Variants in NRXN3 observed in about 807,000 individuals in gnomAD.
NRXN3 encodes the protein neurexin III.
NRXN3 carries 32 observed loss-of-function variants against 137.6 expected under a neutral mutation model. That is an observed-to-expected ratio of 0.23 (90% CI 0.18 to 0.31). The LOEUF is 0.31. NRXN3 is among the 10% of genes least tolerant of loss of function. The pLI is 1.00. For synonymous variants in NRXN3, 798 were observed against 784.5 expected, an observed-to-expected ratio of 1.02 and a Z score of -0.29; for missense variants, 1,574 against 2,062.5, an observed-to-expected ratio of 0.76 and a Z score of 4.59.
chr14:79,279,421 G>A, intron 15 of NRXN3: 2 of 986,144 alleles, frequency 2.0e-6, no homozygotes, highest in Non-Finnish European at 2.4e-6. Flanking sequence ...GCACTTCGCA[G>A]GCGCCCGCCC....
In NRXN3 at chr14:78,332,464, C is replaced by T. The variant is rs575748364; in HGVS notation, c.757+34604C>T. Among the ~76,000 whole-genome samples the T allele has an allele frequency of 3.7e-4, 57 of 152,004 alleles. No homozygotes were observed. The East Asian group carries it at 8.9e-3, about 24-fold the overall frequency. Reference sequence around the variant, plus strand: ...CTGAGTAGCTGGGATTACAGGTGTGCGCTACCGCACCTGGCTAATTTTTGT... The same window carrying T: ...CTGAGTAGCTGGGATTACAGGTGTGTGCTACCGCACCTGGCTAATTTTTGT... On this transcript the variant is annotated intron_variant, in intron 4 of 20. Coordinates refer to ENST00000335750, the MANE Select transcript of NRXN3 (RefSeq NM_001330195.2).
chr14:79,040,322 AC>A (rs2099623084), intron 15 of NRXN3, among the ~76,000 whole-genome samples: 1 of 152,230 alleles, frequency 6.6e-6, no homozygotes, highest in Admixed American at 6.5e-5. Flanking sequence ...TCTTAGAGTG[AC>A]AGAAATGTAA....
intron 18 of NRXN3, among the ~76,000 whole-genome samples, chr14:79,693,174 TTTGTTG>T (rs902807182): frequency 1.1e-4 from 17 of 152,034 alleles, no homozygotes; most frequent in African/African-American, 3.6e-4. Flanking sequence ...ATACGTATTC[TTTGTTG>T]TTGTTGTTGT....
chr14:79,024,619 A>T (rs985672080), intron 15 of NRXN3, among the ~76,000 whole-genome samples: 1 of 152,132 alleles, frequency 6.6e-6, no homozygotes, highest in Non-Finnish European at 1.5e-5. Flanking sequence ...TAGTGCAGGA[A>T]TGTTGGTCTT....
chr14:78,716,214 G>A (rs149238866), intron 8 of NRXN3, among the ~76,000 whole-genome samples: 70 of 152,328 alleles, frequency 4.6e-4, no homozygotes, highest in Admixed American at 1.2e-3. Context: ...GGCAAGAAGA[G>A]GGACAACATC....
chr14:79,590,244 A>G (rs1167725234), intron 16 of NRXN3, among the ~76,000 whole-genome samples: 1 of 151,990 alleles, frequency 6.6e-6, no homozygotes, highest in African/African-American at 2.4e-5. Flanking sequence ...ATATTGAATA[A>G]GTCTCAGAAA....
intron 14 of NRXN3, among the ~76,000 whole-genome samples, chr14:78,974,058 T>G (rs2099454641): frequency 6.6e-6 from 1 of 152,022 alleles, no homozygotes; most frequent in African/African-American, 2.4e-5. Flanking sequence ...TTAATATATA[T>G]TTAAATTAAA....
chr14:78,175,781 A>G (rs2059204989), intron 1 of NRXN3, among the ~76,000 whole-genome samples: 1 of 152,214 alleles, frequency 6.6e-6, no homozygotes, highest in Admixed American at 6.5e-5. Context: ...TACTCCTCAG[A>G]GAGACCTTTC....
At chr14:79,601,040 C>CTTTTTTTT (rs36044631) in intron 16 of NRXN3, among the ~76,000 whole-genome samples, 49 of 93,404 alleles carry the variant, frequency 5.2e-4, no homozygotes, top group Non-Finnish European at 7.4e-4. Flanking sequence ...TCTTTGTTGC[C>CTTTTTTTT]TTTTTTTTTT....
intron 19 of NRXN3, among the ~76,000 whole-genome samples, chr14:79,801,820 T>C (rs1282800462): frequency 6.7e-6 from 1 of 150,078 alleles, no homozygotes; most frequent in South Asian, 2.1e-4. Flanking sequence ...GGGTTAAAGG[T>C]GGAAAAAGGG....
At chr14:79,508,483 G>A (rs1425899889) in intron 16 of NRXN3, among the ~76,000 whole-genome samples, 6 of 140,606 alleles carry the variant, frequency 4.3e-5, no homozygotes, top group Admixed American at 1.6e-4. Flanking sequence ...TTCATCTCCC[G>A]GGTACAAGTG....
chr14:79,766,821 T>C (rs1366325005), intron 19 of NRXN3, among the ~76,000 whole-genome samples: 1 of 152,192 alleles, frequency 6.6e-6, no homozygotes, highest in Non-Finnish European at 1.5e-5. Flanking sequence ...AAGGGCATGG[T>C]TGGCAGAGAT....
chr14:78,213,794 T>G (rs1339506009), intron 1 of NRXN3, among the ~76,000 whole-genome samples: 1 of 152,126 alleles, frequency 6.6e-6, no homozygotes, highest in Non-Finnish European at 1.5e-5. Context: ...CAGAGAGCAA[T>G]GAGGCATTTG....
intron 8 of NRXN3, among the ~76,000 whole-genome samples, chr14:78,727,223 A>G (rs897684384): frequency 4.6e-5 from 7 of 152,112 alleles, no homozygotes; most frequent in Non-Finnish European, 7.4e-5. Context: ...AAGGTGGGAG[A>G]GGGTTCTGTG....
chr14:78,892,387 G>A (rs1035179885), intron 10 of NRXN3, among the ~76,000 whole-genome samples: 7 of 152,036 alleles, frequency 4.6e-5, no homozygotes, highest in Admixed American at 6.6e-5. Flanking sequence ...AACTTAGCTC[G>A]TTTGAGTTGG....
At chr14:78,376,462 T>C (rs1338178989) in intron 4 of NRXN3, among the ~76,000 whole-genome samples, 2 of 152,192 alleles carry the variant, frequency 1.3e-5, no homozygotes, top group Non-Finnish European at 2.9e-5. Flanking sequence ...TGGATAGACA[T>C]ATTGGTCCCT....
At chr14:79,838,833 T>C (rs557708877) in intron 20 of NRXN3, among the ~76,000 whole-genome samples, 4 of 152,326 alleles carry the variant, frequency 2.6e-5, no homozygotes, top group African/African-American at 9.6e-5. Flanking sequence ...GTGCTAGCAA[T>C]ACAGTCTCAT....
chr14:79,599,100 G>A (rs1414500874), intron 16 of NRXN3, among the ~76,000 whole-genome samples: 2 of 151,976 alleles, frequency 1.3e-5, no homozygotes, highest in East Asian at 1.9e-4. Context: ...ATTCAGTACC[G>A]AGCTCCCTTT....
chr14:79,038,725 T>C (rs2099620274), intron 15 of NRXN3, among the ~76,000 whole-genome samples: 1 of 152,154 alleles, frequency 6.6e-6, no homozygotes, highest in African/African-American at 2.4e-5. Flanking sequence ...ACTTTTCCTT[T>C]GCAGAAAGGA....
Sources: allele counts gnomAD v4.1 joint callset (sites outside exome capture counted in the v4.1 genomes callset), GRCh38; gene constraint gnomAD v4.1.1; transcripts MANE v1.5; gene names NCBI Gene and HGNC (gene_info 2026-07-23, HGNC 2026-07-21).